FNDC3B: variants seen among roughly 807,000 people sequenced by gnomAD.
The protein encoded by FNDC3B is fibronectin type III domain containing 3B.
In FNDC3B, 12 loss-of-function variants were observed where a neutral mutation model predicts 151.5. The ratio of observed to expected loss-of-function variants is 0.08; its 90% confidence interval spans 0.05 to 0.13. The LOEUF (loss-of-function observed/expected upper bound fraction) is 0.13, where lower values mean the gene tolerates loss of function less well. Ranked by LOEUF, FNDC3B falls within the 10% of genes least tolerant of loss-of-function variation. FNDC3B has a pLI of 1.00. For synonymous variants in FNDC3B, 528 were observed against 549.0 expected, an observed-to-expected ratio of 0.96 and a Z score of 0.54; for missense variants, 1,214 against 1,505.3, an observed-to-expected ratio of 0.81 and a Z score of 3.20.
intron 3 of FNDC3B, among the ~76,000 whole-genome samples, chr3:172,210,444 G>A (rs978091507): frequency 2.6e-5 from 4 of 152,018 alleles, no homozygotes; most frequent in African/African-American, 4.8e-5. Flanking sequence ...CAATCCTTCC[G>A]ATCCTTCCAC....
intron 6 of FNDC3B, among the ~76,000 whole-genome samples, chr3:172,268,479 TG>T (rs1729028044): frequency 6.6e-6 from 1 of 152,196 alleles, no homozygotes; most frequent in African/African-American, 2.4e-5. Flanking sequence ...AGAACTCAGC[TG>T]GATCATGTGG....
chr3:172,123,833 A>C (rs1239942437), intron 2 of FNDC3B, among the ~76,000 whole-genome samples: 1 of 152,212 alleles, frequency 6.6e-6, no homozygotes, highest in Non-Finnish European at 1.5e-5. Flanking sequence ...ATTACAAATG[A>C]ATGGCATCCA....
intron 5 of FNDC3B, among the ~76,000 whole-genome samples, chr3:172,249,230 C>A (rs1386162060): frequency 1.3e-5 from 2 of 152,122 alleles, no homozygotes; most frequent in African/African-American, 4.8e-5. Flanking sequence ...TCATTGCTTG[C>A]TGGTATATGT....
chr3:172,162,439 C>CT (rs762578980), intron 3 of FNDC3B, among the ~76,000 whole-genome samples: 2 of 152,110 alleles, frequency 1.3e-5, no homozygotes, highest in Non-Finnish European at 2.9e-5. Context: ...AATACCGTGG[C>CT]TATGAGCATT....
At position 172,397,733 on chromosome 3, in the gene FNDC3B, A is replaced by T; in HGVS notation, c.*258A>T. Reference sequence around the variant, plus strand: ...CCAGATACCAAAAGCTAGCTTTCTTATGTTTTCCTTTAAATTTTCAGATTT... The same window carrying T: ...CCAGATACCAAAAGCTAGCTTTCTTTTGTTTTCCTTTAAATTTTCAGATTT... On this transcript the variant is annotated 3_prime_UTR_variant, in exon 26 of 26. Transcript: ENST00000415807. The T allele has an allele frequency of 4.1e-6, 1 of 246,680 alleles. No individual in the cohort carries two copies. Among genetic ancestry groups the T allele is most frequent in the Non-Finnish European group, 7.6e-6 (1 of 132,316 alleles). The allele number at this position is 246,680 out of a possible 1,614,324, so 15.3% of individuals were successfully genotyped here. A position where few individuals can be genotyped will look rare whatever the true frequency, so the allele number is the denominator to read the frequency against.
At chr3:172,213,885 T>C (rs1725846836) in intron 3 of FNDC3B, among the ~76,000 whole-genome samples, 1 of 152,194 alleles carries the variant, frequency 6.6e-6, no homozygotes, top group Non-Finnish European at 1.5e-5. Context: ...TGATTTTGAT[T>C]TGTCTCAGGC....
Position 172,245,867 on chromosome 3 carries a change from G to T in FNDC3B, c.265-1666G>T, listed in dbSNP as rs577345181. On this transcript the variant is annotated intron_variant, in intron 4 of 25. Transcript: ENST00000415807. The stretch of plus-strand genomic sequence containing the variant: ...AAATAGGTAATATTATCTTATTTAT[G>T]AACTATTAACACAGTAGAAACATTT... Among the ~76,000 whole-genome samples the T allele has an allele frequency of 4.6e-5, 7 of 152,232 alleles. No individual in the cohort carries two copies. In the East Asian group the frequency reaches 9.6e-4, roughly 21 times the overall value.
At chr3:172,114,710 AC>A (rs1164949544) in intron 2 of FNDC3B, among the ~76,000 whole-genome samples, 1 of 152,154 alleles carries the variant, frequency 6.6e-6, no homozygotes, top group Admixed American at 6.6e-5. Flanking sequence ...ACAAAGTGAG[AC>A]CCCATCTCTA....
rs959065211 is a variant in FNDC3B at position 172,092,920 on chromosome 3, C to T, written c.-28-19532C>T. ...TCCTGGGCTCAAGTGATTCTCCCAC[C>T]TCAGTCTCCTGAGTAGCTGAGATTG... On this transcript the variant is annotated intron_variant, in intron 1 of 25. Transcript: ENST00000415807. 6.2e-4 allele frequency among the ~76,000 whole-genome samples: 94 copies of T among 152,198 alleles called. 1 individual carries two copies. The highest frequency in any genetic ancestry group is 6.1e-3 in the Admixed American group (94 of 15,288).
At chr3:172,351,783 T>G (rs1035343999) in intron 21 of FNDC3B, among the ~76,000 whole-genome samples, 1 of 152,082 alleles carries the variant, frequency 6.6e-6, no homozygotes, top group African/African-American at 2.4e-5. Context: ...GATGACTTAA[T>G]TATGACTTGA....
At chr3:172,141,998 C>A (rs1026336910) in intron 3 of FNDC3B, among the ~76,000 whole-genome samples, 14 of 152,176 alleles carry the variant, frequency 9.2e-5, no homozygotes, top group Admixed American at 2.6e-4. Context: ...AAATCCCCTG[C>A]ACATTAGATG....
intron 1 of FNDC3B, among the ~76,000 whole-genome samples, chr3:172,044,295 T>A (rs1223665128): frequency 4.0e-5 from 6 of 148,160 alleles, no homozygotes; most frequent in South Asian, 2.1e-4. Context: ...TTTTTTTTTT[T>A]TTTTTTTGGT....
At chr3:172,331,293 GC>G (rs1732645207) in intron 13 of FNDC3B, among the ~76,000 whole-genome samples, 1 of 152,062 alleles carries the variant, frequency 6.6e-6, no homozygotes, top group South Asian at 2.1e-4. Flanking sequence ...GTGTGATTGG[GC>G]TCTCCATTAC....
At chr3:172,268,502 A>G (rs1359866966) in intron 6 of FNDC3B, among the ~76,000 whole-genome samples, 1 of 152,218 alleles carries the variant, frequency 6.6e-6, no homozygotes, top group Non-Finnish European at 1.5e-5. Context: ...ATCAGCCAAG[A>G]TAATATGTGA....
At chr3:172,326,380 C>T (rs1246273583) in intron 11 of FNDC3B, among the ~76,000 whole-genome samples, 1 of 152,160 alleles carries the variant, frequency 6.6e-6, no homozygotes, top group Non-Finnish European at 1.5e-5. Flanking sequence ...TTCTAGGTGT[C>T]CCTAAGTTTA....
At chr3:172,340,398 G>A (rs1733239507) in intron 16 of FNDC3B, among the ~76,000 whole-genome samples, 2 of 149,394 alleles carry the variant, frequency 1.3e-5, no homozygotes, top group Non-Finnish European at 3.0e-5. Flanking sequence ...TGATTCTCTT[G>A]CCTCAGCCTC....
intron 3 of FNDC3B, among the ~76,000 whole-genome samples, chr3:172,165,865 T>C (rs1722976736): frequency 2.6e-5 from 4 of 152,206 alleles, no homozygotes; most frequent in Admixed American, 1.3e-4. Context: ...ATAATTACAT[T>C]AGATTCAGAA....
intron 11 of FNDC3B, among the ~76,000 whole-genome samples, chr3:172,327,347 G>A (rs1732407726): frequency 6.6e-6 from 1 of 152,146 alleles, no homozygotes; most frequent in Non-Finnish European, 1.5e-5. Context: ...GCTCTAGGAG[G>A]TGGGTGGGGA....
intron 2 of FNDC3B, among the ~76,000 whole-genome samples, chr3:172,118,707 C>G (rs958486568): frequency 2.0e-5 from 3 of 152,192 alleles, no homozygotes; most frequent in Non-Finnish European, 2.9e-5. Flanking sequence ...GGTCTTGGAT[C>G]ACATTCTTCA....
Sources: gnomAD v4.1 joint callset for allele counts (sites outside exome capture counted in the v4.1 genomes callset) on GRCh38, gnomAD v4.1.1 for gene constraint, MANE v1.5 for transcripts, NCBI Gene and HGNC (gene_info 2026-07-23, HGNC 2026-07-21) for gene names.